Variants in SUMF1 observed in about 807,000 individuals in gnomAD.
SUMF1 encodes the protein formylglycine-generating enzyme.
In SUMF1, 48 loss-of-function variants were observed where a neutral mutation model predicts 47.6. That is an observed-to-expected ratio of 1.01 (90% CI 0.80 to 1.28). The LOEUF is 1.28. Ranked by LOEUF, SUMF1 falls within the 50% of genes most tolerant of loss-of-function variation. SUMF1 has a pLI of 0.00. For synonymous variants in SUMF1, 230 were observed against 192.1 expected, an observed-to-expected ratio of 1.20 and a Z score of -1.63; for missense variants, 571 against 485.4, an observed-to-expected ratio of 1.18 and a Z score of -1.66.
At chr3:4,136,251 C>T (rs1229914037) in intron 8 of SUMF1, among the ~76,000 whole-genome samples, 2 of 152,152 alleles carry the variant, frequency 1.3e-5, no homozygotes, top group East Asian at 3.9e-4. Context: ...GTAACCAAAA[C>T]AGCATGGTAC....
chr3:4,088,749 C>G (rs1692724305), intron 8 of SUMF1, among the ~76,000 whole-genome samples: 1 of 152,066 alleles, frequency 6.6e-6, no homozygotes. Context: ...ATAGTTTCTT[C>G]CTTACTGAAG....
At chr3:4,103,289 C>T (rs1004541837) in intron 8 of SUMF1, among the ~76,000 whole-genome samples, 5 of 151,844 alleles carry the variant, frequency 3.3e-5, no homozygotes, top group Admixed American at 3.3e-4. Context: ...AAGCTTCTGA[C>T]CTAGTTGGGT....
chr3:4,250,515 A>T (rs1696777781), intron 8 of SUMF1, among the ~76,000 whole-genome samples: 1 of 152,184 alleles, frequency 6.6e-6, no homozygotes, highest in Non-Finnish European at 1.5e-5. Flanking sequence ...GACACTGAAC[A>T]ACAGATTTTC....
intron 8 of SUMF1, among the ~76,000 whole-genome samples, chr3:4,192,196 C>T (rs1358595020): frequency 6.6e-6 from 1 of 151,992 alleles, no homozygotes; most frequent in African/African-American, 2.4e-5. Context: ...ATGAGATAGT[C>T]AGTTCATGAC....
intron 3 of SUMF1, among the ~76,000 whole-genome samples, chr3:4,429,525 C>T (rs1266949346): frequency 6.6e-6 from 1 of 152,146 alleles, no homozygotes; most frequent in Non-Finnish European, 1.5e-5. Flanking sequence ...GAAATTCTCC[C>T]ACACACGTTG....
chr3:4,247,026 G>A (rs2125004180), intron 8 of SUMF1, among the ~76,000 whole-genome samples: 1 of 152,224 alleles, frequency 6.6e-6, no homozygotes, highest in Admixed American at 6.5e-5. Flanking sequence ...CAAGGCATAT[G>A]CATGAGGTGA....
intron 8 of SUMF1, among the ~76,000 whole-genome samples, chr3:4,350,373 T>G (rs1699473921): frequency 6.7e-6 from 1 of 150,258 alleles, no homozygotes. Flanking sequence ...GTGTGTATAA[T>G]TGTGTGTGTA....
At chr3:4,390,390 G>A (rs1006893612) in intron 7 of SUMF1, among the ~76,000 whole-genome samples, 1 of 152,168 alleles carries the variant, frequency 6.6e-6, no homozygotes, top group Non-Finnish European at 1.5e-5. Flanking sequence ...AGCCTTTGCT[G>A]GACAGTTTTT....
intron 8 of SUMF1, among the ~76,000 whole-genome samples, chr3:4,266,529 T>G (rs1158099815): frequency 6.6e-6 from 1 of 152,216 alleles, no homozygotes; most frequent in African/African-American, 2.4e-5. Context: ...TGGCTGTTTG[T>G]CTTATTGGTG....
At position 4,134,111 on chromosome 3, in the gene SUMF1, C is replaced by T. The variant is rs143212563; in HGVS notation, c.1015-65366G>A. Reference sequence around the variant, plus strand: ...AGGAATTGAACTCAGCTCTGCACCACGCAGACCTAATAGACATCTACAGAA... The same window carrying T: ...AGGAATTGAACTCAGCTCTGCACCATGCAGACCTAATAGACATCTACAGAA... On this transcript the variant is annotated intron_variant and NMD_transcript_variant, in intron 8 of 12. Coordinates refer to the SUMF1 transcript ENST00000448413. 3.4e-3 allele frequency among the ~76,000 whole-genome samples: 523 copies of T among 152,172 alleles called. 4 individuals are homozygous for T. Among genetic ancestry groups the T allele is most frequent in the African/African-American group, 7.3e-3 (303 of 41,496 alleles).
chr3:4,332,874 C>G (rs1167051054), intron 8 of SUMF1, among the ~76,000 whole-genome samples: 2 of 152,100 alleles, frequency 1.3e-5, no homozygotes, highest in African/African-American at 2.4e-5. Flanking sequence ...TATCCTGTAC[C>G]CATATAAACC....
rs1701051368 is a variant in SUMF1, at chr3:4,396,760, C to T, written c.954+14105G>A. 2.0e-5 allele frequency among the ~76,000 whole-genome samples: 3 copies of T among 152,166 alleles called. No individual in the cohort carries two copies. The South Asian group carries it at 6.2e-4, about 32-fold the overall frequency. ...TCGAGGGCCTCAAGTTTTACAGCCT[C>T]TCTCCCCACTGAGAGACAGGAAGGA... is the stretch of plus-strand genomic sequence containing the variant. On this transcript the variant is annotated intron_variant, in intron 7 of 8. Coordinates refer to ENST00000272902, the MANE Select transcript of SUMF1 (RefSeq NM_182760.4).
At chr3:4,439,517 C>A (rs370695995) in intron 3 of SUMF1, among the ~76,000 whole-genome samples, 1 of 151,612 alleles carries the variant, frequency 6.6e-6, no homozygotes, top group African/African-American at 2.4e-5. Context: ...CAGAGCCAAA[C>A]CCTGTCTCAA....
At chr3:4,142,081 C>G (rs1574920641) in intron 8 of SUMF1, among the ~76,000 whole-genome samples, 1 of 152,150 alleles carries the variant, frequency 6.6e-6, no homozygotes, top group East Asian at 1.9e-4. Context: ...CCAGGGTATT[C>G]TAATGTATAG....
intron 9 of SUMF1, among the ~76,000 whole-genome samples, chr3:4,045,333 C>A (rs1694985349): frequency 1.3e-5 from 2 of 151,726 alleles, no homozygotes; most frequent in Admixed American, 1.3e-4. Flanking sequence ...CCTAGCGGCC[C>A]CCAGTTGTGT....
At chr3:4,174,632 G>T (rs1379090441) in intron 8 of SUMF1, among the ~76,000 whole-genome samples, 1 of 152,116 alleles carries the variant, frequency 6.6e-6, no homozygotes, top group Admixed American at 6.5e-5. Flanking sequence ...GCAGAAGACA[G>T]GTGATTTCTG....
In SUMF1 at chr3:4,283,652, G is replaced by T. The variant is rs149570156; in HGVS notation, c.1014+92678C>A. Reference sequence around the variant, plus strand: ...TTTAATAAAGGAAAAAAGCATAATAGAAGTCTAAGTATTTGCCACTACCTT... The same window carrying T: ...TTTAATAAAGGAAAAAAGCATAATATAAGTCTAAGTATTTGCCACTACCTT... On this transcript the variant is annotated intron_variant and NMD_transcript_variant, in intron 8 of 12. Coordinates refer to the SUMF1 transcript ENST00000448413. Among the ~76,000 whole-genome samples the T allele has an allele frequency of 6.8e-3, 1,032 of 152,304 alleles. 12 individuals carry two copies. Among genetic ancestry groups the T allele is most frequent in the African/African-American group, 0.023 (966 of 41,566 alleles).
At chr3:4,132,824 T>C (rs372930187) in intron 8 of SUMF1, among the ~76,000 whole-genome samples, 1 of 151,994 alleles carries the variant, frequency 6.6e-6, no homozygotes, top group African/African-American at 2.4e-5. Flanking sequence ...ACAACGGAGG[T>C]AAGGAAGAGT....
intron 8 of SUMF1, among the ~76,000 whole-genome samples, chr3:4,329,955 T>A (rs1216098714): frequency 6.6e-6 from 1 of 152,190 alleles, no homozygotes; most frequent in Non-Finnish European, 1.5e-5. Flanking sequence ...CTAGATGCCC[T>A]AAATTATCTC....
Sources: gnomAD v4.1 joint callset for allele counts (sites outside exome capture counted in the v4.1 genomes callset) on GRCh38, gnomAD v4.1.1 for gene constraint, MANE v1.5 for transcripts, NCBI Gene and HGNC (gene_info 2026-07-23, HGNC 2026-07-21) for gene names.